ATAD2: variants seen among roughly 807,000 people sequenced by gnomAD.
The protein encoded by ATAD2 is ATPase family AAA domain-containing protein 2.
ATAD2 carries 62 observed loss-of-function variants against 168.9 expected under a neutral mutation model. The observed-to-expected ratio is 0.37, with a 90% confidence interval of 0.30 to 0.45. ATAD2 has a LOEUF of 0.45. ATAD2 is among the 20% of genes least tolerant of loss of function. ATAD2 has a pLI of 1.00. For missense variants in ATAD2, 1,419 were observed against 1,667.8 expected (o/e 0.85, Z 2.60); for synonymous variants, 613 against 571.6 (o/e 1.07, Z -1.03).
At chr8:123,380,833 A>G (rs1251221128) in intron 1 of ATAD2, 156 bp from the exon 2 acceptor site, 1 of 665,042 alleles carries the variant, frequency 1.5e-6, no homozygotes, top group East Asian at 2.8e-5. Flanking sequence ...TAGTATCTAG[A>G]AAAACCATTT....
intron 4 of ATAD2, 142 bp from the exon 5 acceptor site, chr8:123,371,480 A>G: frequency 2.3e-6 from 2 of 854,690 alleles, no homozygotes; most frequent in Non-Finnish European, 3.4e-6. Flanking sequence ...TTGTATAAAA[A>G]TATTTTAAAA....
At chr8:123,358,258 A>C (rs527848425) in intron 11 of ATAD2, among the ~76,000 whole-genome samples, 1 of 152,164 alleles carries the variant, frequency 6.6e-6, no homozygotes, top group Non-Finnish European at 1.5e-5. Context: ...ATAGCTCACT[A>C]CAACCTCAAA....
In ATAD2 at chr8:123,369,841, T is replaced by C; in HGVS notation, c.911A>G (p.Tyr304Cys). Residue 304 changes from tyrosine (Y) to cysteine (C), a missense_variant, in exon 7 of 28, where the codon TAC becomes TGC. Tyr to Cys is a radical substitution (Grantham distance 194). Around this residue, in one of 5 missense-constraint regions of ATAD2, gnomAD observed 419 missense variants for 423.5 expected, o/e 0.99. Coordinates refer to ENST00000287394, the MANE Select transcript of ATAD2 (RefSeq NM_014109.4). ...CTTACTTTCCAATGGAGCCTGATAG[T>C]AAACAGTAGCTTTTCTCTGTCTAAG... ...YYLRQRKATV[Y>C]YQAPLEKPRH... 1.2e-6 allele frequency: 2 copies of C among 1,611,896 alleles called. No individual in the cohort carries two copies. The highest frequency in any genetic ancestry group is 1.7e-5 in the Admixed American group (1 of 59,982).
intron 26 of ATAD2, among the ~76,000 whole-genome samples, 167 bp from the exon 27 acceptor site, chr8:123,323,233 A>T (rs1202682064): frequency 1.3e-5 from 2 of 152,210 alleles, no homozygotes; most frequent in Non-Finnish European, 2.9e-5. Flanking sequence ...AAATGTACTT[A>T]AGTCTAGCTA....
At chr8:123,360,227 C>G (rs894601749) in intron 9 of ATAD2, among the ~76,000 whole-genome samples, 2 of 152,232 alleles carry the variant, frequency 1.3e-5, no homozygotes, top group Admixed American at 6.5e-5. Flanking sequence ...GTCTCCAGAG[C>G]TATAACAATT....
At position 123,372,955 on chromosome 8, in the gene ATAD2, C is replaced by G. The variant is rs556267172; in HGVS notation, c.321-269G>C. Among the ~76,000 whole-genome samples, 1,367 of 150,410 alleles carry G rather than the reference C, an allele frequency of 9.1e-3. 7 individuals carry two copies. The highest frequency in any genetic ancestry group is 0.031 in the Middle Eastern group (9 of 294). On this transcript the variant is annotated intron_variant, in intron 2 of 27. Transcript: ENST00000287394. ...TCGCCCAGGCTGGAGTGCAGTGGCG[C>G]GATCTCGGCTCACTGCAAGCTCCCC...
chr8:123,329,048 G>A lies in ATAD2; in HGVS notation c.3479-469C>T, dbSNP rs560609666. On this transcript the variant is annotated intron_variant, in intron 24 of 27. Transcript: ENST00000287394. ...GATCTCCTGACCTCGTGATCCGCCC[G>A]CCTCGGCCTCCCAAAGTGCTGGGAT... Among the ~76,000 whole-genome samples the A allele has an allele frequency of 2.0e-3, 306 of 152,064 alleles. 1 individual carries two copies. Among genetic ancestry groups the A allele is most frequent in the Middle Eastern group, 0.01 (3 of 294 alleles).
In ATAD2 at chr8:123,319,947, T is replaced by C. The variant is rs1827423797; in HGVS notation, c.*1187A>G. The C allele has an allele frequency of 6.6e-6, 1 of 152,132 alleles. No individual in the cohort carries two copies. Among genetic ancestry groups the C allele is most frequent in the African/African-American group, 2.4e-5 (1 of 41,424 alleles). 9.4% of individuals were successfully genotyped at this position (152,132 alleles called of 1,614,324 possible). A position where few individuals can be genotyped will look rare whatever the true frequency, so the allele number is the denominator to read the frequency against. ...ATGCATCTAGAAGAATAATTTATAA[T>C]AAACCAACAAAAATGAGAATGTGTA... is the stretch of plus-strand genomic sequence containing the variant. On this transcript the variant is annotated 3_prime_UTR_variant, in exon 28 of 28. Coordinates refer to ENST00000287394, the MANE Select transcript of ATAD2 (RefSeq NM_014109.4).
chr8:123,348,926 T>A (rs903418923), intron 14 of ATAD2, among the ~76,000 whole-genome samples: 5 of 152,110 alleles, frequency 3.3e-5, no homozygotes, highest in Non-Finnish European at 5.9e-5. Context: ...CCTCTTTGGT[T>A]CCCAGAAGAT....
At chr8:123,356,282 CT>C in intron 13 of ATAD2, 106 bp downstream of exon 13, 1 of 885,436 alleles carries the variant, frequency 1.1e-6, no homozygotes, top group East Asian at 2.9e-5. Context: ...AAAAAAGGAA[CT>C]ACTAGCTTAT....
At chr8:123,367,458 C>T (rs1419413270) in intron 8 of ATAD2, among the ~76,000 whole-genome samples, 2 of 152,126 alleles carry the variant, frequency 1.3e-5, no homozygotes. Context: ...CCCAAAGTAG[C>T]TGCCACCCTC....
intron 26 of ATAD2, among the ~76,000 whole-genome samples, chr8:123,323,287 G>C (rs1244819354): frequency 6.6e-6 from 1 of 152,114 alleles, no homozygotes; most frequent in African/African-American, 2.4e-5. Flanking sequence ...CTAAAAACTA[G>C]AGCTGAGGGG....
At chr8:123,392,696 T>C (rs866835528) in intron 1 of ATAD2, among the ~76,000 whole-genome samples, 21 of 151,114 alleles carry the variant, frequency 1.4e-4, no homozygotes, top group Non-Finnish European at 2.9e-4. Flanking sequence ...GTATACCAAA[T>C]GGAAAGGCCC....
intron 1 of ATAD2, among the ~76,000 whole-genome samples, chr8:123,414,917 T>C (rs1813220802): frequency 6.6e-6 from 1 of 152,198 alleles, no homozygotes; most frequent in African/African-American, 2.4e-5. Flanking sequence ...ACTTGTGAGG[T>C]ACCATTCCAT....
chr8:123,347,790 G>C (rs1378472666), intron 15 of ATAD2, among the ~76,000 whole-genome samples: 1 of 152,062 alleles, frequency 6.6e-6, no homozygotes, highest in Admixed American at 6.6e-5. Flanking sequence ...TACATCACAG[G>C]AATGATGTGA....
At chr8:123,388,521 T>A (rs931136037) in intron 1 of ATAD2, among the ~76,000 whole-genome samples, 11 of 152,064 alleles carry the variant, frequency 7.2e-5, no homozygotes, top group African/African-American at 2.7e-4. Context: ...GCCTCCTGAG[T>A]AGCTGGGACT....
intron 1 of ATAD2, among the ~76,000 whole-genome samples, chr8:123,388,189 T>G (rs1447789811): frequency 6.6e-6 from 1 of 152,100 alleles, no homozygotes; most frequent in East Asian, 1.9e-4. Context: ...ACAGAACTGA[T>G]CACTACCTTC....
In ATAD2 at chr8:123,328,372, T is replaced by C; in HGVS notation, c.3686A>G (p.Gln1229Arg). 1.9e-6 allele frequency: 3 copies of C among 1,604,158 alleles called. No individual in the cohort carries two copies. Among genetic ancestry groups the C allele is most frequent in the Non-Finnish European group, 2.5e-6 (3 of 1,177,208 alleles). ...CAGTTTGCTTTCAGAGGCATTTTGC[T>C]GTTTTTCATTTTCTTCCACCGAAGA... is the stretch of plus-strand genomic sequence containing the variant. The part of the protein sequence containing the change: ...GESSVEENEK[Q>R]QNASESKLEL... Residue 1229 changes from glutamine (Q) to arginine (R), a missense_variant, in exon 25 of 28, where the codon CAG (glutamine) becomes CGG (arginine). Gln to Arg is a conservative substitution (Grantham distance 43). Around this residue, in one of 5 missense-constraint regions of ATAD2, gnomAD observed 303 missense variants for 304.3 expected, o/e 1.00. Transcript: ENST00000287394.
intron 2 of ATAD2, among the ~76,000 whole-genome samples, chr8:123,379,890 A>ATTTTT (rs71895855): frequency 1.5e-5 from 2 of 129,152 alleles, no homozygotes; most frequent in African/African-American, 2.9e-5. Context: ...TATTATTATT[A>ATTTTT]TTTTTTTTTT....
Sources: gnomAD v4.1 joint callset for allele counts (sites outside exome capture counted in the v4.1 genomes callset) on GRCh38, gnomAD v4.1.1 for gene constraint, gnomAD v4.1.1 regional missense constraint, MANE v1.5 for transcripts, NCBI Gene and HGNC (gene_info 2026-07-23, HGNC 2026-07-21) for gene names.